The following HMGN5 variants were observed in gnomAD, a reference collection of about 807,000 sequenced individuals.
HMGN5 encodes the protein high mobility group nucleosome-binding domain-containing protein 5.
HMGN5 carries 4 observed loss-of-function variants against 9.5 expected under a neutral mutation model. The ratio of observed to expected loss-of-function variants is 0.42; its 90% CI spans 0.21 to 0.96. The LOEUF is 0.96. Ranked by LOEUF, HMGN5 falls within the 40% of genes least tolerant of loss-of-function variation. The probability of loss-of-function intolerance (pLI) is 0.30; values close to 1 mark genes in which losing one functional copy is unlikely to be tolerated. For missense variants in HMGN5, 192 were observed against 187.5 expected (o/e 1.02, Z -0.14); for synonymous variants, 55 against 57.1 (o/e 0.96, Z 0.16).
intron 1 of HMGN5, among the ~76,000 whole-genome samples, chrX:81,164,838 C>T (rs769506196): frequency 1.4e-4 from 16 of 111,259 alleles, no homozygotes; most frequent in Non-Finnish European, 2.6e-4. Flanking sequence ...CCACAGTCTT[C>T]CACTCTATCA....
At chrX:81,154,300 G>T (rs1011589639) in intron 1 of HMGN5, among the ~76,000 whole-genome samples, 1 of 111,379 alleles carries the variant, frequency 9.0e-6, no homozygotes, top group Non-Finnish European at 1.9e-5. Context: ...TGGGAAATCT[G>T]GATATCAGCA....
intron 1 of HMGN5, among the ~76,000 whole-genome samples, chrX:81,141,488 GAGAA>G (rs1201788495): frequency 1.7e-4 from 19 of 108,675 alleles, no homozygotes; most frequent in South Asian, 7.7e-4. Flanking sequence ...GAGAGAGAGA[GAGAA>G]AGAGAGAGAG....
chrX:81,201,075 GAACAGTT>G (rs1219434008), intron 1 of HMGN5, among the ~76,000 whole-genome samples: 1 of 110,937 alleles, frequency 9.0e-6, no homozygotes, highest in East Asian at 2.9e-4. Context: ...TGTGGGTAGG[GAACAGTT>G]AACAAAGCTA....
chrX:81,198,799 T>A (rs1022822949), intron 1 of HMGN5, among the ~76,000 whole-genome samples: 7 of 111,560 alleles, frequency 6.3e-5, no homozygotes, highest in African/African-American at 2.3e-4. Context: ...CTGGAAGCAT[T>A]CCCTTTGAAA....
At chrX:81,181,270 T>G (rs1477762231) in intron 1 of HMGN5, among the ~76,000 whole-genome samples, 1 of 111,783 alleles carries the variant, frequency 8.9e-6, no homozygotes, top group Non-Finnish European at 1.9e-5. Context: ...TCATTATTAA[T>G]TAAAATTTAA....
chrX:81,159,082 T>G (rs1204144498), intron 1 of HMGN5, among the ~76,000 whole-genome samples: 1 of 111,561 alleles, frequency 9.0e-6, no homozygotes, highest in African/African-American at 3.3e-5. Context: ...TGTTCTTTGC[T>G]GGGACATGGA....
intron 1 of HMGN5, among the ~76,000 whole-genome samples, chrX:81,185,210 A>G (rs1203818551): frequency 8.9e-6 from 1 of 112,057 alleles, no homozygotes; most frequent in African/African-American, 3.2e-5. Flanking sequence ...CTTGGGTGCT[A>G]TGAATATTTT....
At chrX:81,157,714 T>G (rs1419428301) in intron 1 of HMGN5, among the ~76,000 whole-genome samples, 1 of 111,541 alleles carries the variant, frequency 9.0e-6, no homozygotes, top group Non-Finnish European at 1.9e-5. Flanking sequence ...TATTCCACCT[T>G]CCTCAGAATT....
intron 1 of HMGN5, among the ~76,000 whole-genome samples, chrX:81,185,361 A>G (rs1182772520): frequency 9.0e-6 from 1 of 110,909 alleles, no homozygotes; most frequent in East Asian, 2.8e-4. Context: ...CAGTTATTTT[A>G]TTTTATTTGT....
chrX:81,164,650 T>C (rs1163712541), intron 1 of HMGN5, among the ~76,000 whole-genome samples: 1 of 111,648 alleles, frequency 9.0e-6, no homozygotes, highest in Non-Finnish European at 1.9e-5. Flanking sequence ...CAAATTTGTA[T>C]AAAAACTAGT....
intron 1 of HMGN5, among the ~76,000 whole-genome samples, chrX:81,158,260 T>C (rs2075388757): frequency 8.9e-6 from 1 of 112,260 alleles, no homozygotes; most frequent in Non-Finnish European, 1.9e-5. Context: ...TCTTCCACAA[T>C]GGTTGAACTA....
At chrX:81,184,484 T>A (rs1294190151) in intron 1 of HMGN5, among the ~76,000 whole-genome samples, 1 of 111,887 alleles carries the variant, frequency 8.9e-6, no homozygotes, top group Non-Finnish European at 1.9e-5. Context: ...ATAGCAGTGT[T>A]AGAACTGAGT....
At chrX:81,196,835 C>A (rs1473257958) in intron 1 of HMGN5, among the ~76,000 whole-genome samples, 2 of 111,105 alleles carry the variant, frequency 1.8e-5, no homozygotes, top group Non-Finnish European at 3.8e-5. Flanking sequence ...CCACTGTGCC[C>A]AGCTGATCTC....
chrX:81,172,226 A>G (rs1412352872), intron 1 of HMGN5, among the ~76,000 whole-genome samples: 1 of 111,313 alleles, frequency 9.0e-6, no homozygotes, highest in African/African-American at 3.2e-5. Flanking sequence ...AAGAAACATA[A>G]AAACCAAATG....
chrX:81,179,103 T>C (rs2075452324), intron 1 of HMGN5, among the ~76,000 whole-genome samples: 1 of 111,730 alleles, frequency 9.0e-6, no homozygotes, highest in Non-Finnish European at 1.9e-5. Flanking sequence ...TAATACTGAA[T>C]GGACAAAAAC....
intron 3 of HMGN5, among the ~76,000 whole-genome samples, chrX:81,119,197 CATTA>C (rs1481052598): frequency 1.8e-5 from 2 of 110,922 alleles, no homozygotes; most frequent in African/African-American, 6.5e-5. Flanking sequence ...TTTTATTGTG[CATTA>C]ATTAGATTAA....
At chrX:81,179,406 T>C (rs1468065042) in intron 1 of HMGN5, among the ~76,000 whole-genome samples, 1 of 110,878 alleles carries the variant, frequency 9.0e-6, no homozygotes, top group Non-Finnish European at 1.9e-5. Flanking sequence ...TATACACCAA[T>C]AACAGACAAA....
intron 1 of HMGN5, among the ~76,000 whole-genome samples, chrX:81,199,428 C>G (rs1440308793): frequency 8.9e-6 from 1 of 112,612 alleles, no homozygotes; most frequent in Non-Finnish European, 1.9e-5. Flanking sequence ...CAAGACAATC[C>G]TAAGCAAAAA....
At chrX:81,132,928 C>A (rs2075301776) in intron 1 of HMGN5, among the ~76,000 whole-genome samples, 1 of 111,381 alleles carries the variant, frequency 9.0e-6, no homozygotes, top group African/African-American at 3.3e-5. Flanking sequence ...AGACAACCTA[C>A]AGAATGGGAA....
Sources: gnomAD v4.1 joint callset for allele counts (sites outside exome capture counted in the v4.1 genomes callset) on GRCh38, gnomAD v4.1.1 for gene constraint, MANE v1.5 for transcripts, NCBI Gene and HGNC (gene_info 2026-07-23, HGNC 2026-07-21) for gene names.